Variants in WDR70 observed in about 807,000 individuals in gnomAD.
WDR70 encodes the protein WD repeat domain 70, also known as WD repeat-containing protein 70.
WDR70 carries 53 observed loss-of-function variants against 88.6 expected under a neutral mutation model. That is an observed-to-expected ratio of 0.60 (90% CI 0.48 to 0.75). WDR70 has a LOEUF of 0.75. WDR70 is among the 30% of genes least tolerant of loss of function. WDR70 has a pLI of 0.00. For synonymous variants in WDR70, 280 were observed against 270.0 expected (o/e 1.04, Z -0.36); for missense variants, 610 against 823.2 (o/e 0.74, Z 3.17).
intron 8 of WDR70, among the ~76,000 whole-genome samples, chr5:37,508,277 C>G (rs1041726568): frequency 1.3e-5 from 2 of 151,834 alleles, no homozygotes; most frequent in African/African-American, 4.8e-5. Context: ...TAGTGCCCTT[C>G]TGAAAAAAAG....
intron 8 of WDR70, among the ~76,000 whole-genome samples, chr5:37,510,292 C>T (rs76725395): frequency 6.6e-6 from 1 of 152,144 alleles, no homozygotes; most frequent in African/African-American, 2.4e-5. Flanking sequence ...AACTAACCCA[C>T]CTTCCTATCC....
chr5:37,386,450 C>G (rs972784302), intron 3 of WDR70, among the ~76,000 whole-genome samples: 12 of 152,098 alleles, frequency 7.9e-5, no homozygotes, highest in African/African-American at 2.9e-4. Context: ...CCTCAGCCTC[C>G]CCAGTAGCTG....
intron 7 of WDR70, among the ~76,000 whole-genome samples, chr5:37,466,687 C>T (rs1484940193): frequency 9.5e-6 from 1 of 105,062 alleles, no homozygotes; most frequent in Non-Finnish European, 1.7e-5. Flanking sequence ...GCCTGGGCGA[C>T]AGAGCGAGAC....
At chr5:37,529,570 A>ATT (rs200143635) in intron 9 of WDR70, among the ~76,000 whole-genome samples, 2 of 149,226 alleles carry the variant, frequency 1.3e-5, no homozygotes, top group African/African-American at 4.9e-5. Flanking sequence ...GTATTTATTT[A>ATT]TTTTTTTTTG....
At chr5:37,482,094 C>T (rs1739688755) in intron 8 of WDR70, among the ~76,000 whole-genome samples, 1 of 152,182 alleles carries the variant, frequency 6.6e-6, no homozygotes, top group African/African-American at 2.4e-5. Flanking sequence ...TCACTATTAA[C>T]ATTTTGGTCA....
At chr5:37,600,088 T>A (rs1178617906) in intron 9 of WDR70, among the ~76,000 whole-genome samples, 1 of 152,080 alleles carries the variant, frequency 6.6e-6, no homozygotes, top group African/African-American at 2.4e-5. Flanking sequence ...AAAAAAAAGA[T>A]AAGTTGGACT....
chr5:37,589,439 T>C (rs1203408442), intron 9 of WDR70, among the ~76,000 whole-genome samples: 1 of 152,112 alleles, frequency 6.6e-6, no homozygotes, highest in Non-Finnish European at 1.5e-5. Flanking sequence ...GGATTTTAAT[T>C]TAATGTTGGT....
chr5:37,709,533 T>G (rs1256850915), intron 13 of WDR70, among the ~76,000 whole-genome samples: 1 of 152,196 alleles, frequency 6.6e-6, no homozygotes, highest in Non-Finnish European at 1.5e-5. Context: ...TGTTTCTTGG[T>G]CTTCCAAGAT....
intron 9 of WDR70, among the ~76,000 whole-genome samples, chr5:37,537,758 A>G (rs1357291075): frequency 2.6e-5 from 4 of 152,198 alleles, no homozygotes; most frequent in African/African-American, 9.6e-5. Context: ...ATTTTACCAC[A>G]TGACACTATA....
At chr5:37,593,149 GTCTC>G (rs901566911) in intron 9 of WDR70, among the ~76,000 whole-genome samples, 7 of 152,144 alleles carry the variant, frequency 4.6e-5, no homozygotes, top group South Asian at 2.1e-4. Context: ...GCAAGACTCT[GTCTC>G]TCTCTCTCTT....
chr5:37,394,405 C>G (rs1485641726), intron 4 of WDR70, among the ~76,000 whole-genome samples: 1 of 151,948 alleles, frequency 6.6e-6, no homozygotes, highest in Non-Finnish European at 1.5e-5. Flanking sequence ...AGTCATTCAA[C>G]TATTACTTAC....
chr5:37,663,560 G>T lies in WDR70; in HGVS notation c.1093-34095G>T, dbSNP rs993453331. Among the ~76,000 whole-genome samples, 4 of 151,986 alleles carry T rather than the reference G, an allele frequency of 2.6e-5. No homozygotes were observed. The South Asian group carries it at 8.3e-4, about 32-fold the overall frequency. Reference sequence around the variant, plus strand: ...TTTTTTCTATGTCCAGTTAATTCTTGTCATTCATCTCATTGGGTGTTTTCA... The same window carrying T: ...TTTTTTCTATGTCCAGTTAATTCTTTTCATTCATCTCATTGGGTGTTTTCA... On this transcript the variant is annotated intron_variant, in intron 10 of 17. Coordinates refer to ENST00000265107, the MANE Select transcript of WDR70 (RefSeq NM_018034.4).
intron 9 of WDR70, among the ~76,000 whole-genome samples, chr5:37,547,448 C>G (rs547472876): frequency 1.3e-5 from 2 of 152,138 alleles, no homozygotes; most frequent in South Asian, 2.1e-4. Context: ...TATTTGTATA[C>G]TATTTCTAAA....
chr5:37,532,561 T>C (rs967954505), intron 9 of WDR70, among the ~76,000 whole-genome samples: 10 of 152,070 alleles, frequency 6.6e-5, no homozygotes, highest in Non-Finnish European at 1.5e-4. Context: ...GCTGAGACTT[T>C]CCAGTGTATT....
intron 10 of WDR70, among the ~76,000 whole-genome samples, chr5:37,675,293 C>T (rs1380148576): frequency 2.0e-5 from 3 of 152,130 alleles, no homozygotes; most frequent in Non-Finnish European, 4.4e-5. Flanking sequence ...GTGTTTTAGA[C>T]ATGAAGTCCT....
intron 5 of WDR70, among the ~76,000 whole-genome samples, chr5:37,410,365 C>T (rs1351145986): frequency 6.6e-6 from 1 of 151,744 alleles, no homozygotes; most frequent in Non-Finnish European, 1.5e-5. Context: ...GACTTGAGTA[C>T]TGATGAAAAC....
At chr5:37,595,830 C>T (rs1458017596) in intron 9 of WDR70, among the ~76,000 whole-genome samples, 2 of 152,116 alleles carry the variant, frequency 1.3e-5, no homozygotes, top group Admixed American at 6.5e-5. Context: ...AACATAAATA[C>T]TAGGTCCTCA....
At chr5:37,396,605 G>C in intron 5 of WDR70, 35 bp downstream of exon 5, 1 of 1,556,950 alleles carries the variant, frequency 6.4e-7, no homozygotes, top group Non-Finnish European at 8.7e-7. Context: ...GAATTCGGTG[G>C]AGTAATATCT....
chr5:37,423,665 G>A (rs1181973599), intron 5 of WDR70, among the ~76,000 whole-genome samples: 4 of 147,948 alleles, frequency 2.7e-5, no homozygotes, highest in African/African-American at 4.9e-5. Flanking sequence ...TTAGGTTCAA[G>A]CTATTTGCCT....
Sources: allele counts gnomAD v4.1 joint callset (sites outside exome capture counted in the v4.1 genomes callset), GRCh38; gene constraint gnomAD v4.1.1; transcripts MANE v1.5; gene names NCBI Gene and HGNC (gene_info 2026-07-23, HGNC 2026-07-21).